Variants in TCP11 observed in about 807,000 individuals in gnomAD.
TCP11 encodes T-complex protein 11 homolog.
A neutral mutation model predicts 45.0 loss-of-function variants in TCP11; 34 were observed. The ratio of observed to expected loss-of-function variants is 0.76; its 90% CI spans 0.57 to 1.01. TCP11 has a LOEUF of 1.01. Among genes scored for constraint, TCP11 ranks in the 50% least tolerant of loss-of-function variants. TCP11 has a pLI of 0.00. For synonymous variants in TCP11, 227 were observed against 227.0 expected (o/e 1.00, Z 0.00); for missense variants, 523 against 598.1 (o/e 0.87, Z 1.31).
chr6:35,134,273 CTTTTT>C (rs34368428), intron 3 of TCP11, among the ~76,000 whole-genome samples: 1 of 105,100 alleles, frequency 9.5e-6, no homozygotes, highest in Non-Finnish European at 1.8e-5. Context: ...CACCCATAAG[CTTTTT>C]TTTTTTTTTT....
At chr6:35,129,824 G>T (rs1780202881) in intron 3 of TCP11, among the ~76,000 whole-genome samples, 1 of 152,124 alleles carries the variant, frequency 6.6e-6, no homozygotes, top group African/African-American at 2.4e-5. Context: ...GCTCAGGTTG[G>T]AATGCGATGG....
intron 4 of TCP11, 94 bp downstream of exon 4, chr6:35,128,968 T>C (rs963453950): frequency 2.7e-6 from 4 of 1,495,378 alleles, no homozygotes; most frequent in Admixed American, 2.0e-5. Flanking sequence ...GACTGATTCA[T>C]GGACCATGTT....
intron 1 of TCP11, 43 bp from the exon 2 acceptor site, chr6:35,140,927 G>A: frequency 6.7e-7 from 1 of 1,497,266 alleles, no homozygotes; most frequent in Non-Finnish European, 8.9e-7. Context: ...CGGGGAAGGG[G>A]CCTCCCCAAT....
At chr6:35,139,793 A>G (rs1781509792) in intron 2 of TCP11, among the ~76,000 whole-genome samples, 1 of 152,256 alleles carries the variant, frequency 6.6e-6, no homozygotes, top group African/African-American at 2.4e-5. Context: ...AAGAGAAATT[A>G]GAGATAAAAT....
chr6:35,127,710 G>C (rs1372005021), intron 4 of TCP11, among the ~76,000 whole-genome samples: 2 of 152,220 alleles, frequency 1.3e-5, no homozygotes, highest in African/African-American at 4.8e-5. Flanking sequence ...GAAACTGGCT[G>C]AATTTGAGGA....
In TCP11 at chr6:35,141,330, G is replaced by T; in HGVS notation, c.-140C>A. 1.6e-6 allele frequency: 2 copies of T among 1,215,758 alleles called. No homozygotes were observed. Among genetic ancestry groups the T allele is most frequent in the Non-Finnish European group, 2.1e-6 (2 of 962,836 alleles). 75.3% of individuals were successfully genotyped at this position (1,215,758 alleles called of 1,614,324 possible). A position where few individuals can be genotyped will look rare whatever the true frequency, so the allele number is the denominator to read the frequency against. ...GCGTCGCACGGTGAGAAAGGCCGGG[G>T]CCTGAGAACAAACCGCCGCGGTCGC... On this transcript the variant is annotated 5_prime_UTR_variant, in exon 1 of 10. Coordinates refer to ENST00000311875, the MANE Select transcript of TCP11 (RefSeq NM_001370687.1).
rs544000614 is a variant in TCP11 at position 35,118,149 on chromosome 6, T to C, written c.*120A>G. 179 of 793,788 alleles carry C rather than the reference T, an allele frequency of 2.3e-4. No homozygotes were observed. Among genetic ancestry groups the C allele is most frequent in the South Asian group, 1.4e-3 (82 of 60,526 alleles). 49.2% of individuals were successfully genotyped at this position (793,788 alleles called of 1,614,324 possible). On this transcript the variant is annotated 3_prime_UTR_variant, in exon 10 of 10. Coordinates refer to ENST00000311875, the MANE Select transcript of TCP11 (RefSeq NM_001370687.1). ...ACATGCTTGATCCCTACAGCCTTGGTGTACTGGCTGCAGGGCCTGGGATAG... is the reference window on the plus strand; with the variant it reads ...ACATGCTTGATCCCTACAGCCTTGGCGTACTGGCTGCAGGGCCTGGGATAG...
At position 35,140,762 on chromosome 6, in the gene TCP11, C is replaced by T. The variant is rs768692818; in HGVS notation, c.109G>A (p.Glu37Lys). The change falls in exon 2 of 10, where the codon GAG becomes AAG. Residue 37 changes from glutamate to lysine, a missense_variant. By Grantham distance (56) the Glu-to-Lys change is moderately conservative (BLOSUM62 1). This residue lies in a region of TCP11 where 225 missense variants were observed against 210.2 expected (regional missense o/e 1.07). Coordinates refer to ENST00000311875, the MANE Select transcript of TCP11 (RefSeq NM_001370687.1). Reference sequence around the variant, plus strand: ...CTGGACCTACAGGGAGGGGGGTCCTCGGAGCCGCTCTTGTCTTCCTGGGGG... The same window carrying T: ...CTGGACCTACAGGGAGGGGGGTCCTTGGAGCCGCTCTTGTCTTCCTGGGGG... ...GPPQEDKSGS[E>K]DPPPFLSVTG... is the part of the protein sequence containing the mutation. 4 of 1,528,428 alleles carry T rather than the reference C, an allele frequency of 2.6e-6. No homozygotes were observed. Among genetic ancestry groups the T allele is most frequent in the Admixed American group, 2.2e-5 (1 of 45,036 alleles). The allele number at this position is 1,528,428 out of a possible 1,614,324, so 94.7% of individuals were successfully genotyped here.
chr6:35,119,480 C>A, intron 8 of TCP11, 89 bp from the exon 9 acceptor site: 1 of 1,489,544 alleles, frequency 6.7e-7, no homozygotes, highest in South Asian at 1.3e-5. Context: ...GATGCCAGGC[C>A]CACTTGAGGG....
At position 35,127,009 on chromosome 6, in the gene TCP11, G is replaced by A. The variant is rs565238906; in HGVS notation, c.357+2053C>T. On this transcript the variant is annotated intron_variant, in intron 4 of 9. Coordinates refer to ENST00000311875, the MANE Select transcript of TCP11 (RefSeq NM_001370687.1). ...CCTAATGCCAGAATACATGGGTCCAGGAATCAAGCAGTAGAAGTAGGACTG... is the reference window on the plus strand; with the variant it reads ...CCTAATGCCAGAATACATGGGTCCAAGAATCAAGCAGTAGAAGTAGGACTG... Among the ~76,000 whole-genome samples, 19 of 152,164 alleles carry A rather than the reference G, an allele frequency of 1.2e-4. No individual in the cohort carries two copies. The South Asian group carries it at 2.5e-3, about 20-fold the overall frequency.
chr6:35,132,531 A>G (rs766327423), intron 3 of TCP11, among the ~76,000 whole-genome samples: 6 of 152,354 alleles, frequency 3.9e-5, no homozygotes, highest in African/African-American at 1.2e-4. Context: ...CTGTGACATA[A>G]TAAGGACTCA....
intron 1 of TCP11, 81 bp downstream of exon 1, chr6:35,141,124 G>A: frequency 7.6e-7 from 1 of 1,312,196 alleles, no homozygotes; most frequent in Non-Finnish European, 9.7e-7. Flanking sequence ...GGAAGCGTGG[G>A]AAGGCCCCTT....
rs955103329 is a variant in TCP11 at position 35,122,896 on chromosome 6, G to T, written c.358-559C>A. 8.5e-5 allele frequency among the ~76,000 whole-genome samples: 13 copies of T among 152,284 alleles called. No homozygotes were observed. In the East Asian group the frequency reaches 2.3e-3, roughly 27 times the overall value. On this transcript the variant is annotated intron_variant, in intron 4 of 9. Coordinates refer to ENST00000311875, the MANE Select transcript of TCP11 (RefSeq NM_001370687.1). ...ATAGAATATGGTGTTGTCATAGCAA[G>T]ATCTCAACTGTTTACCTTCATGTTA...
rs367823124 is a variant in TCP11 at position 35,122,308 on chromosome 6, C to T, written c.387G>A (p.Gln129=). The T allele has an allele frequency of 1.2e-5, 20 of 1,614,064 alleles. No individual in the cohort carries two copies. Among genetic ancestry groups the T allele is most frequent in the Non-Finnish European group, 1.6e-5 (19 of 1,180,056 alleles). ...EILLSLLLPR[Q]NRLRIEIEEA... Reference sequence around the variant, plus strand: ...CTTCAATCTCAATTCTCAGGCGGTTCTGGCGTGGTAATAGCAGTGATAGCA... The same window carrying T: ...CTTCAATCTCAATTCTCAGGCGGTTTTGGCGTGGTAATAGCAGTGATAGCA... Residue 129 remains glutamine (Q), a synonymous_variant, in exon 5 of 10, where the codon CAG becomes CAA. Transcript: ENST00000311875.
rs146246778 is a variant in TCP11 at position 35,122,138 on chromosome 6, G to A, written c.557C>T (p.Thr186Met). The change falls in exon 5 of 10, where the codon ACG (threonine) becomes ATG (methionine). Residue 186 changes from threonine (T) to methionine (M), a missense_variant. By Grantham distance (81) the Thr-to-Met change is moderately conservative. Transcript: ENST00000311875. ...DEAVQKLENI[T>M]DPVWLLRGIF... ...ATACCTCAGTAGCCAAACAGGATCC[G>A]TAATGTTTTCTAGTTTCTGCACTGC... 50 of 1,614,186 alleles carry A rather than the reference G, an allele frequency of 3.1e-5. No individual in the cohort carries two copies. The highest frequency in any genetic ancestry group is 2.2e-4 in the East Asian group (10 of 44,888).
chr6:35,141,150 GC>G (rs1459160223), intron 1 of TCP11, 54 bp downstream of exon 1: 6 of 1,316,644 alleles, frequency 4.6e-6, no homozygotes, highest in Admixed American at 4.0e-5. Context: ...GCGGCGAGGT[GC>G]CCCCCTCGCC....
In TCP11 at chr6:35,129,199, T is replaced by C; in HGVS notation, c.237-17A>G. ...CCTTCCAGACTATAAGAGGGTTAAA[T>C]GAGCAGATTACTCTCTCAACCCAAA... On this transcript the variant is annotated splice_polypyrimidine_tract_variant and intron_variant, in intron 3 of 9. Coordinates refer to ENST00000311875, the MANE Select transcript of TCP11 (RefSeq NM_001370687.1). The C allele has an allele frequency of 6.2e-7, 1 of 1,606,202 alleles. No individual in the cohort carries two copies. Among genetic ancestry groups the C allele is most frequent in the Non-Finnish European group, 8.5e-7 (1 of 1,177,634 alleles).
At chr6:35,141,092 C>A (rs998133803) in intron 1 of TCP11, 113 bp downstream of exon 1, 8 of 1,269,138 alleles carry the variant, frequency 6.3e-6, no homozygotes, top group Non-Finnish European at 7.0e-6. Flanking sequence ...AAACTAAAGC[C>A]ACAGAAGCCC....
chr6:35,119,541 T>G, intron 8 of TCP11, 150 bp from the exon 9 acceptor site: 2 of 852,824 alleles, frequency 2.3e-6, no homozygotes, highest in South Asian at 3.6e-5. Flanking sequence ...TGGCAGGCTA[T>G]AGGGCCCAGT....
Sources: gnomAD v4.1 joint callset for allele counts (sites outside exome capture counted in the v4.1 genomes callset) on GRCh38, gnomAD v4.1.1 for gene constraint, gnomAD v4.1.1 regional missense constraint, MANE v1.5 for transcripts, NCBI Gene and HGNC (gene_info 2026-07-23, HGNC 2026-07-21) for gene names.